Variants in MYO16 observed in about 807,000 individuals in gnomAD.
The protein encoded by MYO16 is myosin XVI.
In MYO16, 94 loss-of-function variants were observed where a neutral mutation model predicts 205.3. The ratio of observed to expected loss-of-function variants is 0.46; its 90% CI spans 0.39 to 0.54. The LOEUF (loss-of-function observed/expected upper bound fraction) is 0.54. MYO16 is among the 20% of genes least tolerant of loss of function. MYO16 has a pLI of 0.00. For missense variants in MYO16, 2,315 were observed against 2,387.5 expected (o/e 0.97, Z 0.63); for synonymous variants, 988 against 954.0 (o/e 1.04, Z -0.66).
At chr13:108,806,636 A>C in intron 6 of MYO16, 43 bp from the exon 7 acceptor site, 1 of 1,588,886 alleles carries the variant, frequency 6.3e-7, no homozygotes, top group Non-Finnish European at 8.6e-7. Flanking sequence ...CATGAATATC[A>C]CTACTTTAAA....
chr13:109,018,828 C>T (rs371077554), intron 22 of MYO16, among the ~76,000 whole-genome samples: 47 of 152,324 alleles, frequency 3.1e-4, no homozygotes, highest in Non-Finnish European at 6.5e-4. Context: ...GGGCTGCACC[C>T]ACTGTCCAAC....
At chr13:108,806,354 G>A (rs897349067) in intron 6 of MYO16, among the ~76,000 whole-genome samples, 6 of 152,144 alleles carry the variant, frequency 3.9e-5, no homozygotes, top group Non-Finnish European at 8.8e-5. Flanking sequence ...GGCAAGAAGT[G>A]GTAAGCTTTT....
rs775915607 is a variant in MYO16 at position 108,844,487 on chromosome 13, C to T, written c.1242C>T (p.Pro414=). Residue 414 remains proline (P), a synonymous_variant, in exon 10 of 35, where the codon CCC becomes CCT. Transcript: ENST00000457511. The part of the protein sequence containing the change: ...ENPMMSGSTK[P]EQVKLMPPAP... ...CCATGATGAGCGGTTCCACCAAACC[C>T]GAGCAGGTAATCATGCTTTCACTGT... is the stretch of plus-strand genomic sequence containing the variant. 75 of 1,608,264 alleles carry T rather than the reference C, an allele frequency of 4.7e-5. No individual in the cohort carries two copies. In the South Asian group the frequency reaches 6.1e-4, roughly 13 times the overall value.
chr13:109,173,768 G>A (rs147305325), intron 33 of MYO16, among the ~76,000 whole-genome samples: 6 of 151,736 alleles, frequency 4.0e-5, no homozygotes, highest in African/African-American at 1.2e-4. Context: ...GGTGGTGGGC[G>A]CCTGTAGTCC....
intron 1 of MYO16, among the ~76,000 whole-genome samples, chr13:108,621,567 C>T (rs1566509672): frequency 6.6e-6 from 1 of 152,184 alleles, no homozygotes; most frequent in Non-Finnish European, 1.5e-5. Context: ...ATAAGCACTA[C>T]ATGCTTCCTG....
At chr13:108,822,640 G>A (rs1259086554) in intron 8 of MYO16, among the ~76,000 whole-genome samples, 1 of 152,108 alleles carries the variant, frequency 6.6e-6, no homozygotes, top group Non-Finnish European at 1.5e-5. Flanking sequence ...ATTATGGCTA[G>A]AGGGCAGACC....
chr13:108,541,632 G>A, the MYO16 span, among the ~76,000 whole-genome samples: 3 of 151,766 alleles, frequency 2.0e-5, no homozygotes, highest in African/African-American at 7.3e-5. Context: ...ATAATAGCAG[G>A]ATAAACCTTC....
rs773702705 is a variant in MYO16, at chr13:108,962,467, C to T, written c.2199C>T (p.Ala733=). The T allele has an allele frequency of 2.5e-6, 4 of 1,592,760 alleles. No homozygotes were observed. The East Asian group carries it at 9.1e-5, about 36-fold the overall frequency. ...LQVSTDELAS[A]LTTDIQYFKG... is the part of the protein sequence containing the mutation. ...TATCAACAGATGAATTGGCATCTGCCTTAACAACTGATATTCAATATTTTA... is the reference window on the plus strand; with the variant it reads ...TATCAACAGATGAATTGGCATCTGCTTTAACAACTGATATTCAATATTTTA... Residue 733 remains alanine (A), a synonymous_variant, in exon 19 of 35, where the codon GCC becomes GCT. Transcript: ENST00000457511.
intron 11 of MYO16, among the ~76,000 whole-genome samples, chr13:108,857,161 C>T (rs1308139270): frequency 3.3e-5 from 5 of 152,094 alleles, no homozygotes; most frequent in Admixed American, 3.3e-4. Flanking sequence ...TTATAAACTC[C>T]CACTCAAATA....
chr13:108,742,828 T>C (rs1451389137), intron 4 of MYO16, among the ~76,000 whole-genome samples: 2 of 152,224 alleles, frequency 1.3e-5, no homozygotes, highest in Non-Finnish European at 2.9e-5. Flanking sequence ...ATCTGCTCAG[T>C]CACTTGCTTG....
intron 7 of MYO16, among the ~76,000 whole-genome samples, chr13:108,814,901 G>A (rs1887402677): frequency 6.6e-6 from 1 of 152,142 alleles, no homozygotes; most frequent in African/African-American, 2.4e-5. Context: ...ACCGCAGATT[G>A]AAGAAACCAT....
At chr13:109,099,850 T>A (rs1445636282) in intron 27 of MYO16, among the ~76,000 whole-genome samples, 2 of 152,190 alleles carry the variant, frequency 1.3e-5, no homozygotes, top group African/African-American at 4.8e-5. Flanking sequence ...GGAAACTGAA[T>A]AAACTCATTT....
intron 27 of MYO16, among the ~76,000 whole-genome samples, chr13:109,066,653 C>A (rs1887758061): frequency 6.6e-6 from 1 of 152,066 alleles, no homozygotes; most frequent in Admixed American, 6.6e-5. Context: ...TATAAAGGAC[C>A]AAATAGTACG....
chr13:108,939,814 A>AT (rs1882647299), intron 16 of MYO16, among the ~76,000 whole-genome samples: 1 of 152,140 alleles, frequency 6.6e-6, no homozygotes, highest in Admixed American at 6.5e-5. Flanking sequence ...GGTACTACCT[A>AT]TAGTGTTGTC....
intron 3 of MYO16, among the ~76,000 whole-genome samples, chr13:108,716,110 T>C (rs1381600267): frequency 1.3e-5 from 2 of 152,196 alleles, no homozygotes; most frequent in African/African-American, 4.8e-5. Flanking sequence ...TCTCAAAAAC[T>C]GTGGCTGTCT....
At chr13:109,123,442 C>T (rs1876090761) in intron 29 of MYO16, among the ~76,000 whole-genome samples, 1 of 152,090 alleles carries the variant, frequency 6.6e-6, no homozygotes. Context: ...GCCAATGTCT[C>T]CCTTTTTTTT....
the MYO16 span, among the ~76,000 whole-genome samples, chr13:108,498,452 G>A: frequency 6.6e-6 from 1 of 152,176 alleles, no homozygotes; most frequent in Admixed American, 6.5e-5. Flanking sequence ...GGGCTGGCCA[G>A]TGAAACCTAC....
chr13:108,600,631 C>T (rs964225788), intron 1 of MYO16, among the ~76,000 whole-genome samples: 1 of 152,102 alleles, frequency 6.6e-6, no homozygotes, highest in African/African-American at 2.4e-5. Context: ...GAAAACCATA[C>T]CCTAGAGCTA....
rs1880648019 is a variant in MYO16, at chr13:109,207,388, T to G, written c.*552T>G. ...GTGCTTCCTTTCTTCAAAATACAGA[T>G]TTTAAAAAATCATTTCTAGATTATT... On this transcript the variant is annotated 3_prime_UTR_variant, in exon 35 of 35. Coordinates refer to ENST00000457511, the MANE Select transcript of MYO16 (RefSeq NM_001198950.3). 6.6e-6 allele frequency: 1 copy of G among 152,232 alleles called. No individual in the cohort carries two copies. Among genetic ancestry groups the G allele is most frequent in the Admixed American group, 6.5e-5 (1 of 15,282 alleles). 9.4% of individuals were successfully genotyped at this position (152,232 alleles called of 1,614,324 possible).
Sources: gnomAD v4.1 joint callset for allele counts (sites outside exome capture counted in the v4.1 genomes callset) on GRCh38, gnomAD v4.1.1 for gene constraint, MANE v1.5 for transcripts, NCBI Gene and HGNC (gene_info 2026-07-23, HGNC 2026-07-21) for gene names.